Variants in GPC5 observed in about 807,000 individuals in gnomAD.
GPC5 encodes glypican 5, also known as glypican-5.
In GPC5, 47 loss-of-function variants were observed where a neutral mutation model predicts 53.9. The ratio of observed to expected loss-of-function variants is 0.87; its 90% CI spans 0.69 to 1.11. The LOEUF (loss-of-function observed/expected upper bound fraction) is 1.11. GPC5 is among the 50% of genes most tolerant of loss of function. The pLI, the probability that GPC5 is intolerant of heterozygous loss-of-function variation, is 0.00. For synonymous variants in GPC5, 286 were observed against 263.3 expected, an observed-to-expected ratio of 1.09 and a Z score of -0.84; for missense variants, 748 against 713.1, an observed-to-expected ratio of 1.05 and a Z score of -0.56.
At chr13:91,814,532 T>G (rs1172337877) in intron 5 of GPC5, among the ~76,000 whole-genome samples, 3 of 151,806 alleles carry the variant, frequency 2.0e-5, no homozygotes, top group Non-Finnish European at 4.4e-5. Context: ...CAACTTTATT[T>G]ATTTATTTAT....
intron 7 of GPC5, among the ~76,000 whole-genome samples, chr13:92,527,241 GAAAGAAAGAGAAAGAAA>G: frequency 2.7e-5 from 1 of 36,584 alleles, no homozygotes; most frequent in South Asian, 1.2e-3. Context: ...AAGAAAGAAA[GAAAGAAAGAGAAAGAAA>G]GAAAGAAAGA....
intron 3 of GPC5, among the ~76,000 whole-genome samples, chr13:91,703,549 C>T (rs535058775): frequency 7.2e-4 from 110 of 152,104 alleles, no homozygotes; most frequent in Non-Finnish European, 1.2e-3. Context: ...TATGGTTTGC[C>T]AGCATTTTGT....
At chr13:91,506,966 C>G (rs2139316772) in intron 2 of GPC5, among the ~76,000 whole-genome samples, 1 of 152,110 alleles carries the variant, frequency 6.6e-6, no homozygotes, top group South Asian at 2.1e-4. Context: ...AAACATAAGT[C>G]CCAATGCCCC....
Position 91,558,544 on chromosome 13 carries a change from G to T in GPC5, c.325+109622G>T, listed in dbSNP as rs114956394. On this transcript the variant is annotated intron_variant, in intron 2 of 7. Coordinates refer to ENST00000377067, the MANE Select transcript of GPC5 (RefSeq NM_004466.6). ...TTGCAGGAAGAAGGGACTTTGTTCT[G>T]GATCCAGTGTGATCCTCTGTGCTTG... Among the ~76,000 whole-genome samples, 161 of 152,114 alleles carry T rather than the reference G, an allele frequency of 1.1e-3. 1 individual carries two copies. Among genetic ancestry groups the T allele is most frequent in the African/African-American group, 3.8e-3 (156 of 41,504 alleles).
chr13:92,785,285 T>G (rs79996126), intron 7 of GPC5, among the ~76,000 whole-genome samples: 21,952 of 151,694 alleles, frequency 0.14, 1,727 homozygotes, highest in Middle Eastern at 0.21. Context: ...CAAAAAATAA[T>G]AAGAAGAAGG....
intron 7 of GPC5, among the ~76,000 whole-genome samples, chr13:92,292,370 T>C (rs1473297074): frequency 6.6e-6 from 1 of 152,238 alleles, no homozygotes; most frequent in Admixed American, 6.5e-5. Context: ...TTACAGCCAT[T>C]GTTGCTGGAG....
chr13:92,333,690 A>G (rs184308526), intron 7 of GPC5, among the ~76,000 whole-genome samples: 58 of 152,200 alleles, frequency 3.8e-4, no homozygotes, highest in Non-Finnish European at 2.9e-5. Context: ...TCCTTTTACT[A>G]CAACATGCTA....
intron 6 of GPC5, among the ~76,000 whole-genome samples, chr13:91,950,254 T>A (rs1476186636): frequency 5.5e-5 from 8 of 145,330 alleles, no homozygotes; most frequent in African/African-American, 1.0e-4. Context: ...TGAATTTTAC[T>A]AAAACTGCCA....
intron 6 of GPC5, among the ~76,000 whole-genome samples, chr13:92,139,434 G>A (rs1326511719): frequency 1.3e-5 from 2 of 152,050 alleles, no homozygotes; most frequent in Admixed American, 6.6e-5. Context: ...TTGGGAGGCC[G>A]AGGCGGGTGG....
rs75410050 is a variant in GPC5, at chr13:91,521,671, G to A, written c.325+72749G>A. On this transcript the variant is annotated intron_variant, in intron 2 of 7. Transcript: ENST00000377067. ...CAACAGAAGAATTCTGCGATGAAATGTGTGAGAGTTTTCCCACCAACAAGA... is the reference window on the plus strand; with the variant it reads ...CAACAGAAGAATTCTGCGATGAAATATGTGAGAGTTTTCCCACCAACAAGA... Among the ~76,000 whole-genome samples the A allele has an allele frequency of 6.6e-5, 10 of 152,286 alleles. No individual in the cohort carries two copies. The East Asian group carries it at 1.9e-3, about 29-fold the overall frequency.
intron 6 of GPC5, among the ~76,000 whole-genome samples, chr13:92,012,763 A>T (rs909743058): frequency 1.3e-5 from 2 of 152,252 alleles, no homozygotes; most frequent in African/African-American, 4.8e-5. Flanking sequence ...ATTTTATTAT[A>T]AAATAACTTT....
chr13:91,759,774 T>C (rs902739814), intron 5 of GPC5, among the ~76,000 whole-genome samples: 11 of 152,138 alleles, frequency 7.2e-5, no homozygotes, highest in Admixed American at 2.0e-4. Context: ...TGATTGATTA[T>C]GGTATCATGA....
intron 6 of GPC5, among the ~76,000 whole-genome samples, chr13:91,929,105 T>C (rs1249915003): frequency 1.3e-5 from 2 of 152,128 alleles, no homozygotes; most frequent in African/African-American, 4.8e-5. Context: ...GGATTATGAC[T>C]GGGTGGCATG....
chr13:92,720,606 A>G (rs1189951162), intron 7 of GPC5, among the ~76,000 whole-genome samples: 1 of 152,120 alleles, frequency 6.6e-6, no homozygotes, highest in Non-Finnish European at 1.5e-5. Context: ...TAAGGAAAAA[A>G]TTGATGTTAC....
intron 5 of GPC5, among the ~76,000 whole-genome samples, chr13:91,813,040 T>C (rs1416978968): frequency 6.6e-6 from 1 of 152,170 alleles, no homozygotes; most frequent in Non-Finnish European, 1.5e-5. Context: ...AAGTACTACA[T>C]TTCTGTGACT....
chr13:91,728,720 A>T, intron 4 of GPC5, 55 bp downstream of exon 4: 1 of 1,560,778 alleles, frequency 6.4e-7, no homozygotes, highest in East Asian at 2.3e-5. Context: ...CATTAATTTT[A>T]CAACAGAATA....
chr13:91,837,375 T>C (rs1370327256), intron 5 of GPC5, among the ~76,000 whole-genome samples: 2 of 152,068 alleles, frequency 1.3e-5, no homozygotes, highest in African/African-American at 4.8e-5. Flanking sequence ...AGATCACCTT[T>C]ATGCTTGTTA....
chr13:92,174,369 A>ACC (rs1566469873), intron 7 of GPC5, among the ~76,000 whole-genome samples: 1 of 150,348 alleles, frequency 6.7e-6, no homozygotes, highest in African/African-American at 2.4e-5. Context: ...AAAACACAAA[A>ACC]AAAAAAACAA....
intron 7 of GPC5, among the ~76,000 whole-genome samples, chr13:92,838,986 C>T (rs962859279): frequency 1.3e-5 from 2 of 152,190 alleles, no homozygotes. Flanking sequence ...TGCTGTTAGA[C>T]ATGAGTCAAA....
Sources: gnomAD v4.1 joint callset for allele counts (sites outside exome capture counted in the v4.1 genomes callset) on GRCh38, gnomAD v4.1.1 for gene constraint, MANE v1.5 for transcripts, NCBI Gene and HGNC (gene_info 2026-07-23, HGNC 2026-07-21) for gene names.